INTS7: variants seen among roughly 807,000 people sequenced by gnomAD.
INTS7 encodes integrator complex subunit 7, also known as chromosome 1 open reading frame 73.
Under a neutral mutation model 109.2 loss-of-function variants are expected in INTS7, and 46 were observed. The observed-to-expected ratio is 0.42, with a 90% CI of 0.33 to 0.54. INTS7 has a LOEUF of 0.54. Among genes scored for constraint, INTS7 ranks in the 20% least tolerant of loss-of-function variants. INTS7 has a pLI of 0.07. For missense variants in INTS7, 929 were observed against 1,132.4 expected (o/e 0.82, Z 2.58); for synonymous variants, 412 against 402.9 (o/e 1.02, Z -0.27).
At chr1:212,001,524 A>T (rs1490512515) in intron 7 of INTS7, among the ~76,000 whole-genome samples, 1 of 152,226 alleles carries the variant, frequency 6.6e-6, no homozygotes, top group Non-Finnish European at 1.5e-5. Context: ...TGTATTAGGT[A>T]TTATAAGTAA....
chr1:211,942,984 CA>C lies in INTS7; in HGVS notation c.2602-874del. Among the ~76,000 whole-genome samples, 1 of 152,228 alleles carries C rather than the reference CA, an allele frequency of 6.6e-6. No homozygotes were observed. The highest frequency in any genetic ancestry group is 1.9e-4 in the East Asian group (1 of 5,170). ...CCCTGCAGCTTTGTGTCTCAAGGAG[CA>C]GTTATCATGTCACTTTTCCAGAGAC... On this transcript the variant is annotated intron_variant, in intron 19 of 19. Coordinates refer to ENST00000366994, the MANE Select transcript of INTS7 (RefSeq NM_015434.4). This position sits in a 1 kb window ranked among gnomAD's most constrained non-coding sequence, Gnocchi z 4.2.
chr1:212,024,591 A>G (rs949559699), intron 1 of INTS7, among the ~76,000 whole-genome samples: 2 of 152,234 alleles, frequency 1.3e-5, no homozygotes, highest in African/African-American at 4.8e-5. Context: ...TTATTCATTA[A>G]TAGCCCCAAA....
At chr1:212,028,732 C>T (rs1190504238) in intron 1 of INTS7, among the ~76,000 whole-genome samples, 1 of 152,118 alleles carries the variant, frequency 6.6e-6, no homozygotes, top group African/African-American at 2.4e-5. Flanking sequence ...AATGATGATA[C>T]ACATGAAGTG....
At chr1:212,028,680 T>A (rs1280542212) in intron 1 of INTS7, among the ~76,000 whole-genome samples, 1 of 152,168 alleles carries the variant, frequency 6.6e-6, no homozygotes, top group African/African-American at 2.4e-5. Context: ...GAGGTCTGAA[T>A]GAAAATAAAG....
At position 211,978,371 on chromosome 1, in the gene INTS7, G is replaced by T; in HGVS notation, c.1371C>A (p.Ala457=). Residue 457 remains alanine, a synonymous_variant, in exon 11 of 20, where the codon GCC becomes GCA. Transcript: ENST00000366994. ...ILMCHCLAAI[A]MQLPVLGDGM... The stretch of plus-strand genomic sequence containing the variant: ...CATCACCCAGCACCGGCAGTTGCAT[G>T]GCAATGGCTGCCAGGCAATGGCACA... The T allele has an allele frequency of 6.2e-7, 1 of 1,614,174 alleles. No homozygotes were observed.
chr1:212,007,083 T>C (rs1268984897), intron 6 of INTS7, among the ~76,000 whole-genome samples, 167 bp downstream of exon 6: 1 of 152,086 alleles, frequency 6.6e-6, no homozygotes, highest in Admixed American at 6.6e-5. Context: ...CAATCAGTAC[T>C]GTGAACAGAG....
intron 1 of INTS7, among the ~76,000 whole-genome samples, chr1:212,029,093 T>C (rs1206114644): frequency 1.3e-5 from 2 of 152,234 alleles, no homozygotes; most frequent in South Asian, 2.1e-4. Flanking sequence ...CCATAAATTA[T>C]GGTAAACTTG....
intron 1 of INTS7, among the ~76,000 whole-genome samples, chr1:212,033,454 CA>C (rs1667260991): frequency 6.6e-6 from 1 of 152,132 alleles, no homozygotes; most frequent in Non-Finnish European, 1.5e-5. Context: ...TGCAAATGAT[CA>C]CTTACTCTGT....
chr1:211,940,491 T>C lies in INTS7; in HGVS notation c.*1333A>G, dbSNP rs73091046. The stretch of plus-strand genomic sequence containing the variant: ...GAGCTGCATCCGGCCAAATTACTTA[T>C]AGCATCGGCATCTGCAACCATATGA... On this transcript the variant is annotated 3_prime_UTR_variant, in exon 20 of 20. Transcript: ENST00000366994. 12 of 152,308 alleles carry C rather than the reference T, an allele frequency of 7.9e-5. No individual in the cohort carries two copies. Among genetic ancestry groups the C allele is most frequent in the African/African-American group, 2.6e-4 (11 of 41,574 alleles). The allele number at this position is 152,308 out of a possible 1,614,324, so 9.4% of individuals were successfully genotyped here.
chr1:212,028,419 A>G (rs1287002672), intron 1 of INTS7, among the ~76,000 whole-genome samples: 1 of 152,216 alleles, frequency 6.6e-6, no homozygotes, highest in Admixed American at 6.5e-5. Context: ...GAAACATTAC[A>G]GTACTGCAGG....
chr1:212,008,943 T>C (rs1666051250), intron 5 of INTS7, among the ~76,000 whole-genome samples: 1 of 152,162 alleles, frequency 6.6e-6, no homozygotes, highest in African/African-American at 2.4e-5. Context: ...CTCCTAAGTA[T>C]TCTCCCTGCT....
intron 7 of INTS7, among the ~76,000 whole-genome samples, chr1:211,998,377 A>G (rs1665507612): frequency 6.6e-6 from 1 of 152,240 alleles, no homozygotes; most frequent in Non-Finnish European, 1.5e-5. Flanking sequence ...TGCACAGACC[A>G]ATAGAACAGA....
At position 211,952,632 on chromosome 1, in the gene INTS7, T is replaced by C. The variant is rs1236241011; in HGVS notation, c.2253A>G (p.Val751=). 4 of 1,612,400 alleles carry C rather than the reference T, an allele frequency of 2.5e-6. No homozygotes were observed. Among genetic ancestry groups the C allele is most frequent in the South Asian group, 2.2e-5 (2 of 91,048 alleles). ...CTACCTCCTCCAAGACATGATTATA[T>C]ACAGACATCATTCTTCTTTCATATT... is the stretch of plus-strand genomic sequence containing the variant. The part of the protein sequence containing the change: ...DSEYERRMMS[V]YNHVLEEVES... Residue 751 remains valine, a synonymous_variant, in exon 17 of 20, where the codon GTA becomes GTG. Transcript: ENST00000366994.
At chr1:211,956,878 T>C (rs534830731) in intron 16 of INTS7, among the ~76,000 whole-genome samples, 110 of 152,380 alleles carry the variant, frequency 7.2e-4, no homozygotes, top group African/African-American at 2.6e-3. Context: ...TGAATAAAGA[T>C]GCTATGAACA....
At chr1:211,966,402 C>T (rs372786321) in intron 16 of INTS7, 28 bp downstream of exon 16, 124 of 1,285,756 alleles carry the variant, frequency 9.6e-5, no homozygotes, top group Middle Eastern at 7.4e-4. Flanking sequence ...TGTTCTGTAA[C>T]GCCAACTATT....
At chr1:211,995,883 G>T (rs1665360023) in intron 7 of INTS7, among the ~76,000 whole-genome samples, 1 of 152,158 alleles carries the variant, frequency 6.6e-6, no homozygotes, top group Non-Finnish European at 1.5e-5. Context: ...CACTGAATCT[G>T]CTGGAGTCAT....
intron 1 of INTS7, among the ~76,000 whole-genome samples, chr1:212,030,346 T>C (rs774273557): frequency 3.3e-5 from 5 of 151,682 alleles, no homozygotes; most frequent in Non-Finnish European, 7.4e-5. Context: ...TGGAGTGCAA[T>C]GGCATGATCT....
At chr1:211,993,732 G>A (rs1242965309) in intron 7 of INTS7, among the ~76,000 whole-genome samples, 1 of 144,728 alleles carries the variant, frequency 6.9e-6, no homozygotes, top group Non-Finnish European at 1.5e-5. Flanking sequence ...ACTATTAATA[G>A]AGATTAACAC....
intron 11 of INTS7, 91 bp downstream of exon 11, chr1:211,978,181 A>G: frequency 7.0e-7 from 1 of 1,432,626 alleles, no homozygotes. Context: ...TCTGTTTTTT[A>G]AGTAAAGTCA....
Sources: gnomAD v4.1 joint callset for allele counts (sites outside exome capture counted in the v4.1 genomes callset) on GRCh38, gnomAD v4.1.1 for gene constraint, Gnocchi (gnomAD v3.1) non-coding constraint, MANE v1.5 for transcripts, NCBI Gene and HGNC (gene_info 2026-07-23, HGNC 2026-07-21) for gene names.